The following EXOC2 variants were observed in gnomAD, a reference collection of about 807,000 sequenced individuals.
EXOC2 encodes the protein exocyst complex component 2.
In EXOC2, 70 loss-of-function variants were observed where a neutral mutation model predicts 131.8. That is an observed-to-expected ratio of 0.53 (90% CI 0.44 to 0.65). The LOEUF (loss-of-function observed/expected upper bound fraction) is 0.65. Ranked by LOEUF, EXOC2 falls within the 30% of genes least tolerant of loss-of-function variation. The pLI is 0.00. For synonymous variants in EXOC2, 411 were observed against 398.4 expected (o/e 1.03, Z -0.38); for missense variants, 923 against 1,108.6 (o/e 0.83, Z 2.38).
At chr6:540,599 G>A (rs1320070570) in intron 22 of EXOC2, among the ~76,000 whole-genome samples, 1 of 152,054 alleles carries the variant, frequency 6.6e-6, no homozygotes, top group Non-Finnish European at 1.5e-5. Context: ...GAGAGCTGAG[G>A]AGATTACCCC....
intron 7 of EXOC2, among the ~76,000 whole-genome samples, chr6:606,835 T>C (rs974253185): frequency 6.6e-6 from 1 of 152,230 alleles, no homozygotes; most frequent in African/African-American, 2.4e-5. Flanking sequence ...TTTGGTGGAT[T>C]TGCGTTTCAC....
At chr6:520,983 GCCCCGATACT>G (rs1765411123) in intron 23 of EXOC2, among the ~76,000 whole-genome samples, 1 of 149,794 alleles carries the variant, frequency 6.7e-6, no homozygotes, top group Non-Finnish European at 1.5e-5. Context: ...CACCCACCGA[GCCCCGATACT>G]CACCGTCCAC....
Position 555,261 on chromosome 6 carries a change from T to C in EXOC2, c.2020A>G (p.Ser674Gly). ...QVFIYCLEQL[S>G]TKPDADIDTT... Reference sequence around the variant, plus strand: ...TCTATATCTGCATCAGGCTTGGTGCTCAACTGTTCCAGACAGTATATAAAA... The same window carrying C: ...TCTATATCTGCATCAGGCTTGGTGCCCAACTGTTCCAGACAGTATATAAAA... Residue 674 changes from serine to glycine, a missense_variant, in exon 20 of 28, where the codon AGC becomes GGC. Ser to Gly is a moderately conservative substitution (Grantham distance 56, BLOSUM62 0). Transcript: ENST00000230449. 1 of 1,531,986 alleles carries C rather than the reference T, an allele frequency of 6.5e-7. No homozygotes were observed. Among genetic ancestry groups the C allele is most frequent in the Non-Finnish European group, 8.9e-7 (1 of 1,126,836 alleles). 94.9% of individuals were successfully genotyped at this position (1,531,986 alleles called of 1,614,324 possible). A position where few individuals can be genotyped will look rare whatever the true frequency, so the allele number is the denominator to read the frequency against.
At chr6:683,362 C>G (rs927424597) in intron 1 of EXOC2, among the ~76,000 whole-genome samples, 2 of 152,134 alleles carry the variant, frequency 1.3e-5, no homozygotes, top group Admixed American at 6.5e-5. Context: ...GGAACAAAAT[C>G]AAGAAAATAT....
intron 1 of EXOC2, among the ~76,000 whole-genome samples, chr6:643,914 A>C (rs965906457): frequency 1.3e-5 from 2 of 152,170 alleles, no homozygotes; most frequent in African/African-American, 4.8e-5. Context: ...TTATGCTGAT[A>C]AATTTTACAA....
At chr6:644,457 C>T (rs1762490948) in intron 1 of EXOC2, among the ~76,000 whole-genome samples, 1 of 152,058 alleles carries the variant, frequency 6.6e-6, no homozygotes, top group Non-Finnish European at 1.5e-5. Context: ...AGAAAAGATA[C>T]CTCTCTTTCC....
chr6:661,455 A>C (rs1763421409), intron 1 of EXOC2, among the ~76,000 whole-genome samples: 1 of 152,346 alleles, frequency 6.6e-6, no homozygotes, highest in African/African-American at 2.4e-5. Context: ...TCTCAGCAGA[A>C]ACCCTATAAG....
At chr6:656,376 G>T (rs866559922) in intron 1 of EXOC2, 2 of 1,614,184 alleles carry the variant, frequency 1.2e-6, no homozygotes, top group African/African-American at 2.7e-5. Context: ...TATACTCAGG[G>T]TCATCCTGCC....
intron 2 of EXOC2, among the ~76,000 whole-genome samples, chr6:636,179 G>A (rs9378444): frequency 0.71 from 107,315 of 151,750 alleles, 38,568 homozygotes; most frequent in Middle Eastern, 0.88. Flanking sequence ...ATGTTTGGGA[G>A]CGCACAATGA....
chr6:487,778 G>C (rs1289288050), intron 27 of EXOC2, among the ~76,000 whole-genome samples: 1 of 152,166 alleles, frequency 6.6e-6, no homozygotes. Flanking sequence ...CAAGAACTGG[G>C]TTTAACAGTA....
chr6:651,314 T>C (rs905410511), intron 1 of EXOC2, among the ~76,000 whole-genome samples: 4 of 152,096 alleles, frequency 2.6e-5, no homozygotes, highest in Non-Finnish European at 4.4e-5. Context: ...ATTACAGGCG[T>C]GAGCCACCGC....
At chr6:507,674 CATA>C (rs1300243341) in intron 23 of EXOC2, among the ~76,000 whole-genome samples, 2 of 152,146 alleles carry the variant, frequency 1.3e-5, no homozygotes, top group African/African-American at 4.8e-5. Flanking sequence ...CCTGATACCA[CATA>C]ATGTTTAGCT....
intron 1 of EXOC2, among the ~76,000 whole-genome samples, chr6:692,584 G>A (rs1764984098): frequency 6.6e-6 from 1 of 152,278 alleles, no homozygotes; most frequent in Non-Finnish European, 1.5e-5. Flanking sequence ...GCTCAGGACA[G>A]CCAGAGCGGG....
At chr6:580,932 A>G (rs899729695) in intron 11 of EXOC2, among the ~76,000 whole-genome samples, 1 of 152,194 alleles carries the variant, frequency 6.6e-6, no homozygotes, top group Admixed American at 6.6e-5. Context: ...GCCTCTACAC[A>G]TGGAGCAAAT....
In EXOC2 at chr6:590,977, C is replaced by G. The variant is rs1264578131; in HGVS notation, c.1192+1492G>C. Among the ~76,000 whole-genome samples, 3 of 152,204 alleles carry G rather than the reference C, an allele frequency of 2.0e-5. No individual in the cohort carries two copies. In the East Asian group the frequency reaches 5.8e-4, roughly 29 times the overall value. ...GAATCACTTTTCTCCCCTATGTTCC[C>G]TAACTCAGTGGCACCATCACCCTAA... On this transcript the variant is annotated intron_variant, in intron 11 of 27. Transcript: ENST00000230449.
intron 1 of EXOC2, among the ~76,000 whole-genome samples, chr6:659,263 C>T (rs935047688): frequency 3.9e-5 from 6 of 152,162 alleles, no homozygotes; most frequent in African/African-American, 1.4e-4. Context: ...AACAGTGGTG[C>T]CAGAAAGCAT....
chr6:573,676 T>A (rs1282422242), intron 12 of EXOC2, among the ~76,000 whole-genome samples: 2 of 149,936 alleles, frequency 1.3e-5, no homozygotes, highest in Non-Finnish European at 1.5e-5. Context: ...TTTCTTAATT[T>A]TATTAAGAAA....
At chr6:592,043 T>C (rs1397427534) in intron 11 of EXOC2, among the ~76,000 whole-genome samples, 2 of 152,180 alleles carry the variant, frequency 1.3e-5, no homozygotes, top group Non-Finnish European at 1.5e-5. Flanking sequence ...TGTCCCAGCA[T>C]TTTATTTGGT....
chr6:681,505 G>A (rs12527555), intron 1 of EXOC2, among the ~76,000 whole-genome samples: 20,939 of 152,098 alleles, frequency 0.14, 1,564 homozygotes, highest in African/African-American at 0.19. Flanking sequence ...ACCAAAATGA[G>A]TTTTGCCCCT....
Sources: allele counts gnomAD v4.1 joint callset (sites outside exome capture counted in the v4.1 genomes callset), GRCh38; gene constraint gnomAD v4.1.1; transcripts MANE v1.5; gene names NCBI Gene and HGNC (gene_info 2026-07-23, HGNC 2026-07-21).